DHX35: variants seen among roughly 807,000 people sequenced by gnomAD.
The protein encoded by DHX35 is probable ATP-dependent RNA helicase DHX35.
In DHX35, 84 loss-of-function variants were observed where a neutral mutation model predicts 99.6. The ratio of observed to expected loss-of-function variants is 0.84; its 90% CI spans 0.71 to 1.01. The LOEUF (loss-of-function observed/expected upper bound fraction) is 1.01, where lower values mean the gene tolerates loss of function less well. Ranked by LOEUF, DHX35 falls within the 50% of genes least tolerant of loss-of-function variation. The pLI is 0.00. For synonymous variants in DHX35, 331 were observed against 316.2 expected, an observed-to-expected ratio of 1.05 and a Z score of -0.50; for missense variants, 852 against 888.5, an observed-to-expected ratio of 0.96 and a Z score of 0.52.
chr20:39,030,902 C>T, intron 20 of DHX35, 127 bp downstream of exon 20: 1 of 1,010,802 alleles, frequency 9.9e-7, no homozygotes, highest in Non-Finnish European at 1.5e-6. Context: ...GTGGCTCACG[C>T]CTGTAATCCC....
chr20:38,986,990 C>T (rs1468241973), intron 4 of DHX35, among the ~76,000 whole-genome samples: 1 of 152,160 alleles, frequency 6.6e-6, no homozygotes, highest in African/African-American at 2.4e-5. Context: ...GAGCCTGGGG[C>T]TGCTGGGGTG....
At chr20:38,996,356 C>G (rs1426836958) in intron 8 of DHX35, among the ~76,000 whole-genome samples, 3 of 152,154 alleles carry the variant, frequency 2.0e-5, no homozygotes, top group Non-Finnish European at 4.4e-5. Flanking sequence ...ACAGAGTAGG[C>G]ACTTGGGTTG....
At chr20:39,015,762 G>A (rs182058170) in intron 14 of DHX35, among the ~76,000 whole-genome samples, 10 of 152,118 alleles carry the variant, frequency 6.6e-5, no homozygotes, top group African/African-American at 2.4e-4. Flanking sequence ...TTTCAGGGTT[G>A]TGCAACCATC....
At position 39,014,854 on chromosome 20, in the gene DHX35, C is replaced by G. The variant is rs374254274; in HGVS notation, c.1348-26C>G. On this transcript the variant is annotated intron_variant, in intron 13 of 21. Transcript: ENST00000252011. ...TGTTTGTTGCCCAAATAAATTGATT[C>G]AGGAAGATTTTTATGTTTTTTCCAG... 6 of 1,613,796 alleles carry G rather than the reference C, an allele frequency of 3.7e-6. No individual in the cohort carries two copies. In the African/African-American group the frequency reaches 4.0e-5, roughly 11 times the overall value.
chr20:38,968,115 C>T (rs2085936639), intron 1 of DHX35, among the ~76,000 whole-genome samples: 1 of 152,182 alleles, frequency 6.6e-6, no homozygotes, highest in Non-Finnish European at 1.5e-5. Flanking sequence ...TGCAGTGTTT[C>T]TAGTGCTTAG....
chr20:38,985,984 A>G (rs1482269219), intron 4 of DHX35, among the ~76,000 whole-genome samples: 1 of 152,224 alleles, frequency 6.6e-6, no homozygotes, highest in Non-Finnish European at 1.5e-5. Flanking sequence ...TGTTGAACTC[A>G]TGTGGTCTGG....
intron 4 of DHX35, among the ~76,000 whole-genome samples, chr20:38,987,086 C>G (rs1027901476): frequency 2.6e-5 from 4 of 152,190 alleles, no homozygotes; most frequent in Admixed American, 2.6e-4. Flanking sequence ...TGCGTGGGTG[C>G]TGGGGAGGTT....
chr20:38,985,925 A>G (rs181242228), intron 4 of DHX35, among the ~76,000 whole-genome samples: 1 of 152,362 alleles, frequency 6.6e-6, no homozygotes, highest in East Asian at 1.9e-4. Context: ...AACAGATTGC[A>G]TAAGCTGTTG....
chr20:39,035,078 T>G (rs2087127056), intron 21 of DHX35, among the ~76,000 whole-genome samples: 1 of 149,710 alleles, frequency 6.7e-6, no homozygotes, highest in South Asian at 2.1e-4. Context: ...TTATTTTTAT[T>G]TATTTATTTT....
Position 39,003,810 on chromosome 20 carries a change from G to C in DHX35, c.914G>C (p.Gly305Ala). The C allele has an allele frequency of 6.2e-7, 1 of 1,614,184 alleles. No homozygotes were observed. Among genetic ancestry groups the C allele is most frequent in the Non-Finnish European group, 8.5e-7 (1 of 1,180,020 alleles). Residue 305 changes from glycine (G) to alanine (A), a missense_variant, in exon 11 of 22, where the codon GGG becomes GCG. Coordinates refer to ENST00000252011, the MANE Select transcript of DHX35 (RefSeq NM_021931.4). ...CAGGCTCGAGCACTAGCTCGCACTG[G>C]GATGAAGAGACACCTCCGAGTTCTC... The part of the protein sequence containing the change: ...IEQARALART[G>A]MKRHLRVLPM...
chr20:39,018,677 G>C (rs2145926208), intron 14 of DHX35, 127 bp from the exon 15 acceptor site: 2 of 903,610 alleles, frequency 2.2e-6, no homozygotes, highest in East Asian at 4.9e-5. Flanking sequence ...GTTTGGTGTA[G>C]TGCATGAATC....
At chr20:39,034,055 G>C (rs2145950899) in intron 20 of DHX35, 151 bp from the exon 21 acceptor site, 3 of 624,554 alleles carry the variant, frequency 4.8e-6, no homozygotes, top group East Asian at 5.5e-5. Context: ...TCTTGAGGCT[G>C]TGGTGAGCAA....
At chr20:39,002,907 A>T (rs1256058238) in intron 10 of DHX35, 39 bp downstream of exon 10, 1 of 1,532,934 alleles carries the variant, frequency 6.5e-7, no homozygotes, top group Admixed American at 1.7e-5. Context: ...AGACATGTTA[A>T]GACAGCACCA....
intron 4 of DHX35, 35 bp downstream of exon 4, chr20:38,983,811 G>A (rs538500939): frequency 6.4e-7 from 1 of 1,571,704 alleles, no homozygotes. Flanking sequence ...GATTCTATCT[G>A]TGTTGTCTAC....
intron 15 of DHX35, 94 bp downstream of exon 15, chr20:39,018,993 T>G: frequency 9.0e-7 from 1 of 1,114,580 alleles, no homozygotes; most frequent in African/African-American, 1.6e-5. Flanking sequence ...GAGGGTACAA[T>G]ATGGTAAAGA....
chr20:39,000,505 T>C (rs1201997144), intron 8 of DHX35, among the ~76,000 whole-genome samples: 1 of 152,226 alleles, frequency 6.6e-6, no homozygotes, highest in African/African-American at 2.4e-5. Flanking sequence ...GAATTCTGCA[T>C]AGCAAAACAT....
At chr20:39,034,945 G>C (rs1374921853) in intron 21 of DHX35, among the ~76,000 whole-genome samples, 1 of 151,960 alleles carries the variant, frequency 6.6e-6, no homozygotes, top group East Asian at 1.9e-4. Flanking sequence ...ATTTTTTTAG[G>C]GATGGGGTTT....
chr20:38,976,259 C>T (rs552404975), intron 3 of DHX35, among the ~76,000 whole-genome samples: 24 of 152,012 alleles, frequency 1.6e-4, no homozygotes, highest in African/African-American at 5.1e-4. Context: ...TTCCTGGTAC[C>T]CATTTCCTTT....
intron 21 of DHX35, among the ~76,000 whole-genome samples, chr20:39,035,720 G>T (rs1359889228): frequency 1.3e-5 from 2 of 152,198 alleles, no homozygotes; most frequent in Non-Finnish European, 1.5e-5. Flanking sequence ...CATGTCACTT[G>T]CTTACTTGCC....
Sources: allele counts gnomAD v4.1 joint callset (sites outside exome capture counted in the v4.1 genomes callset), GRCh38; gene constraint gnomAD v4.1.1; transcripts MANE v1.5; gene names NCBI Gene and HGNC (gene_info 2026-07-23, HGNC 2026-07-21).